Variants in PARVB observed in about 807,000 individuals in gnomAD.
PARVB encodes the protein parvin beta.
PARVB carries 46 observed loss-of-function variants against 47.0 expected under a neutral mutation model. The observed-to-expected ratio is 0.98, with a 90% CI of 0.77 to 1.25. The LOEUF (loss-of-function observed/expected upper bound fraction) is 1.25, where lower values mean the gene tolerates loss of function less well. Among genes scored for constraint, PARVB ranks in the 50% most tolerant of loss-of-function variants. The pLI is 0.00. For missense variants in PARVB, 473 were observed against 471.6 expected (o/e 1.00, Z -0.03); for synonymous variants, 196 against 196.3 (o/e 1.00, Z 0.01).
At chr22:44,020,041 G>A (rs911186045), upstream of PARVB, among the ~76,000 whole-genome samples, 11 of 152,242 alleles carry the variant, frequency 7.2e-5, no homozygotes, top group South Asian at 2.1e-4. Context: ...ATTTCTCCCC[G>A]CCAGCAAGTC....
At chr22:44,163,334 C>T (rs753416287) in intron 11 of PARVB, among the ~76,000 whole-genome samples, 6 of 152,126 alleles carry the variant, frequency 3.9e-5, no homozygotes, top group Non-Finnish European at 7.3e-5. Context: ...AAAAATTAGC[C>T]GGGCACAGTG....
intron 1 of PARVB, among the ~76,000 whole-genome samples, chr22:44,048,726 T>C (rs1189423641): frequency 2.0e-5 from 3 of 152,154 alleles, no homozygotes; most frequent in African/African-American, 7.2e-5. Flanking sequence ...CATGCCTGGC[T>C]AATCTTTGTA....
chr22:44,033,492 C>T (rs879508462), intron 1 of PARVB, among the ~76,000 whole-genome samples: 24 of 152,210 alleles, frequency 1.6e-4, no homozygotes, highest in Non-Finnish European at 2.6e-4. Context: ...CACCAGCCTA[C>T]GGCATCAGAG....
chr22:44,025,984 A>G (rs1393385968), intron 1 of PARVB, among the ~76,000 whole-genome samples: 1 of 152,240 alleles, frequency 6.6e-6, no homozygotes, highest in Non-Finnish European at 1.5e-5. Context: ...CCCGGAGCAC[A>G]TAGAACAGGG....
chr22:44,131,709 A>G, intron 5 of PARVB, 82 bp downstream of exon 5: 2 of 1,422,884 alleles, frequency 1.4e-6, no homozygotes, highest in East Asian at 2.3e-5. Context: ...TGTCATCCAC[A>G]TTCATCATCA....
Position 44,115,248 on chromosome 22 carries a change from A to G in PARVB, c.274-3790A>G, listed in dbSNP as rs1468106043. On this transcript the variant is annotated intron_variant, in intron 3 of 12. Coordinates refer to ENST00000338758, the MANE Select transcript of PARVB (RefSeq NM_013327.5). ...TGTTACTAACTAAGGCCCTACACCA[A>G]CACAGATACATTGTTACTAAGTAAG... 4 of 71,074 alleles carry G rather than the reference A, an allele frequency of 5.6e-5. 1 individual carries two copies. Among genetic ancestry groups the G allele is most frequent in the South Asian group, 9.6e-4 (2 of 2,086 alleles). 4.4% of individuals were successfully genotyped at this position (71,074 alleles called of 1,614,324 possible).
intron 1 of PARVB, among the ~76,000 whole-genome samples, chr22:44,075,676 G>C (rs2051755125): frequency 6.6e-6 from 1 of 152,256 alleles, no homozygotes; most frequent in Non-Finnish European, 1.5e-5. Context: ...ACAGGGTCGT[G>C]CAGTTGGGAT....
chr22:44,083,097 T>A (rs955118639), intron 1 of PARVB, among the ~76,000 whole-genome samples: 1 of 152,140 alleles, frequency 6.6e-6, no homozygotes, highest in African/African-American at 2.4e-5. Context: ...AGCCTCTACG[T>A]GGCCACATCA....
chr22:44,151,703 T>G (rs2053814430), intron 10 of PARVB, 152 bp downstream of exon 10: 2 of 624,152 alleles, frequency 3.2e-6, no homozygotes, highest in Non-Finnish European at 2.9e-6. Flanking sequence ...CACCGTGGCC[T>G]TCTCAGCCCC....
chr22:44,034,299 A>G (rs1220306038), intron 1 of PARVB, among the ~76,000 whole-genome samples: 1 of 123,412 alleles, frequency 8.1e-6, no homozygotes, highest in African/African-American at 3.4e-5. Context: ...TTATACATAT[A>G]TATGTTTGAG....
intron 1 of PARVB, among the ~76,000 whole-genome samples, chr22:44,030,822 A>G (rs928705467): frequency 1.3e-5 from 2 of 152,104 alleles, no homozygotes; most frequent in Non-Finnish European, 2.9e-5. Flanking sequence ...TCTCGTTTCC[A>G]GGCCCTCTGT....
At chr22:44,001,867 G>C (rs2146840552) in intron 2 of PARVB, among the ~76,000 whole-genome samples, 1 of 152,300 alleles carries the variant, frequency 6.6e-6, no homozygotes, top group South Asian at 2.1e-4. Flanking sequence ...AATCACCCAG[G>C]GCTTTCCTTG....
chr22:44,170,005 AT>A lies in PARVB; in HGVS notation c.*1344del, dbSNP rs35824884. 30,782 of 127,652 alleles carry A rather than the reference AT, an allele frequency of 0.24. 3,684 individuals are homozygous for A. Among genetic ancestry groups the A allele is most frequent in the Admixed American group, 0.32 (4,171 of 13,178 alleles). 7.9% of individuals were successfully genotyped at this position (127,652 alleles called of 1,614,324 possible). On this transcript the variant is annotated 3_prime_UTR_variant, in exon 13 of 13. Transcript: ENST00000338758. ...AGGCGTGAGCCACTGTGCCCAGCCT[AT>A]TTTTTTTTTTTTTTTTGAGACAAGT...
chr22:44,123,541 G>A (rs2053119472), intron 4 of PARVB, among the ~76,000 whole-genome samples: 1 of 152,164 alleles, frequency 6.6e-6, no homozygotes, highest in African/African-American at 2.4e-5. Context: ...AGCCGCCCGA[G>A]TAGCTGAGAG....
chr22:44,163,894 G>A lies in PARVB; in HGVS notation c.982G>A (p.Asp328Asn), dbSNP rs750867502. ...GTCCTTCGCCTTTGAGCTGATGCTG[G>A]ACGGAGGCCTCAAGAAACCCAAGGC... is the stretch of plus-strand genomic sequence containing the variant. The part of the protein sequence containing the change: ...NVSFAFELML[D>N]GGLKKPKARP... Residue 328 changes from aspartate (D) to asparagine (N), a missense_variant, in exon 12 of 13, where the codon GAC becomes AAC. Physicochemically the swap from Asp to Asn is conservative, Grantham distance 23. Coordinates refer to ENST00000338758, the MANE Select transcript of PARVB (RefSeq NM_013327.5). The A allele has an allele frequency of 1.2e-6, 2 of 1,611,530 alleles. No individual in the cohort carries two copies. The highest frequency in any genetic ancestry group is 4.5e-5 in the East Asian group (2 of 44,784).
At chr22:44,018,554 T>C (rs925904765) in intron 2 of PARVB, among the ~76,000 whole-genome samples, 2 of 152,166 alleles carry the variant, frequency 1.3e-5, no homozygotes, top group African/African-American at 4.8e-5. Context: ...TCTCCAGGTT[T>C]TGGGGCTCCC....
chr22:44,142,376 TCA>T (rs2053569975), intron 8 of PARVB: 1 of 38,104 alleles, frequency 2.6e-5, no homozygotes, highest in African/African-American at 1.3e-4. Flanking sequence ...AGACTCTGTC[TCA>T]AAAAAAAAAA....
chr22:44,014,513 A>C (rs539154843), intron 2 of PARVB, among the ~76,000 whole-genome samples: 6 of 152,350 alleles, frequency 3.9e-5, no homozygotes, highest in African/African-American at 1.2e-4. Context: ...CAAAGACGGC[A>C]TTGATGGAGA....
chr22:44,025,092 C>A (rs1242050882), intron 1 of PARVB, among the ~76,000 whole-genome samples: 2 of 152,042 alleles, frequency 1.3e-5, no homozygotes, highest in Non-Finnish European at 2.9e-5. Context: ...CCCAGGGCCT[C>A]CTGGGAGATA....
Sources: gnomAD v4.1 joint callset for allele counts (sites outside exome capture counted in the v4.1 genomes callset) on GRCh38, gnomAD v4.1.1 for gene constraint, MANE v1.5 for transcripts, NCBI Gene and HGNC (gene_info 2026-07-23, HGNC 2026-07-21) for gene names.